AOPEP: variants seen among roughly 807,000 people sequenced by gnomAD.
The protein encoded by AOPEP is aminopeptidase O (putative).
AOPEP carries 77 observed loss-of-function variants against 98.1 expected under a neutral mutation model. The ratio of observed to expected loss-of-function variants is 0.78; its 90% CI spans 0.65 to 0.95. The LOEUF (loss-of-function observed/expected upper bound fraction) is 0.95. AOPEP is among the 40% of genes least tolerant of loss of function. AOPEP has a pLI of 0.00. For synonymous variants in AOPEP, 346 were observed against 365.3 expected (o/e 0.95, Z 0.60); for missense variants, 1,024 against 1,024.7 (o/e 1.00, Z 0.01).
At chr9:95,096,715 C>T in the AOPEP span, among the ~76,000 whole-genome samples, 5 of 152,344 alleles carry the variant, frequency 3.3e-5, no homozygotes, top group South Asian at 8.3e-4. Flanking sequence ...GAGCTGGCCG[C>T]TGGCTGCAGC....
chr9:94,738,738 T>G (rs1832367116), intron 1 of AOPEP, among the ~76,000 whole-genome samples: 1 of 151,992 alleles, frequency 6.6e-6, no homozygotes, highest in Admixed American at 6.6e-5. Context: ...CACGCTTGGC[T>G]AATTTTTTTG....
At chr9:94,917,937 T>G (rs968157716) in intron 5 of AOPEP, among the ~76,000 whole-genome samples, 1 of 152,216 alleles carries the variant, frequency 6.6e-6, no homozygotes, top group African/African-American at 2.4e-5. Flanking sequence ...CTTTCTCTGC[T>G]TCTTTCCTTG....
chr9:95,096,159 G>T, the AOPEP span, among the ~76,000 whole-genome samples: 1 of 152,142 alleles, frequency 6.6e-6, no homozygotes, highest in African/African-American at 2.4e-5. Context: ...AGCTTATTCT[G>T]TAACAGTTTT....
chr9:95,035,604 C>T (rs761386003), intron 13 of AOPEP, among the ~76,000 whole-genome samples: 35 of 149,276 alleles, frequency 2.3e-4, no homozygotes, highest in Non-Finnish European at 3.8e-4. Flanking sequence ...CCGCAACCTC[C>T]GGCTCCTGGG....
intron 11 of AOPEP, among the ~76,000 whole-genome samples, chr9:94,983,046 G>A (rs2060291436): frequency 6.6e-6 from 1 of 150,622 alleles, no homozygotes; most frequent in Admixed American, 6.6e-5. Context: ...TGTTTTTTTT[G>A]AGACAGAGTC....
chr9:95,033,991 C>A (rs1289339720), intron 13 of AOPEP, among the ~76,000 whole-genome samples: 2 of 152,084 alleles, frequency 1.3e-5, no homozygotes, highest in Non-Finnish European at 2.9e-5. Flanking sequence ...GTTTTCTCCC[C>A]TTGCTTTGCT....
the AOPEP span, among the ~76,000 whole-genome samples, chr9:95,092,394 C>T: frequency 0.017 from 2,513 of 152,206 alleles, 79 homozygotes; most frequent in African/African-American, 0.057. Context: ...GGGGGCGGGC[C>T]TGGGGCTGCT....
At chr9:94,850,212 T>TTTTTAGTTGG (rs2135150705) in intron 5 of AOPEP, among the ~76,000 whole-genome samples, 1 of 151,954 alleles carries the variant, frequency 6.6e-6, no homozygotes, top group Non-Finnish European at 1.5e-5. Flanking sequence ...AAAAAGTTAC[T>TTTTTAGTTGG]TTTTAGTTGG....
intron 5 of AOPEP, among the ~76,000 whole-genome samples, chr9:94,802,172 A>AG (rs952079870): frequency 1.0e-4 from 15 of 149,838 alleles, no homozygotes; most frequent in South Asian, 4.2e-4. Context: ...TTCTTAATGG[A>AG]GGGGGGGGCT....
chr9:95,058,587 G>A (rs985582630), intron 13 of AOPEP, among the ~76,000 whole-genome samples: 2 of 152,222 alleles, frequency 1.3e-5, no homozygotes, highest in Non-Finnish European at 2.9e-5. Context: ...CGGACTGTCT[G>A]TCTTGAGAAA....
chr9:94,792,445 T>C (rs752457074), intron 3 of AOPEP, among the ~76,000 whole-genome samples: 15 of 152,204 alleles, frequency 9.9e-5, no homozygotes, highest in Non-Finnish European at 1.5e-4. Context: ...AGACGTATTC[T>C]GTCTCTGTAG....
chr9:94,977,508 C>A (rs2059923619), intron 10 of AOPEP, among the ~76,000 whole-genome samples: 1 of 152,202 alleles, frequency 6.6e-6, no homozygotes, highest in Non-Finnish European at 1.5e-5. Flanking sequence ...CAGCCTCTCT[C>A]CCAGGTAAAT....
Position 95,082,671 on chromosome 9 carries a change from A to ATGGATAGGT in AOPEP, c.2417_2425dup (p.Arg808_Ser809insLeuAspArg), listed in dbSNP as rs1241120994. ...GTGCTTCGAGCGGACCAAGGAGCAG[A>ATGGATAGGT]TGGATAGGTCCTCAGCCCAGGTGGT... On this transcript the variant is annotated inframe_insertion, in exon 16 of 17. Transcript: ENST00000375315. The ATGGATAGGT allele has an allele frequency of 6.2e-7, 1 of 1,614,230 alleles. No individual in the cohort carries two copies. The highest frequency in any genetic ancestry group is 8.5e-7 in the Non-Finnish European group (1 of 1,180,040).
At chr9:95,126,175 T>A in the AOPEP span, among the ~76,000 whole-genome samples, 1 of 152,230 alleles carries the variant, frequency 6.6e-6, no homozygotes, top group African/African-American at 2.4e-5. Context: ...AAAATATTGG[T>A]CAGCCCTCAC....
chr9:94,760,778 T>C, intron 2 of AOPEP, 198 bp downstream of exon 2: 1 of 432,152 alleles, frequency 2.3e-6, no homozygotes, highest in East Asian at 3.4e-5. Context: ...TTAGCTCCCT[T>C]AAGTCAGGAT....
At chr9:94,923,800 A>G (rs932356569) in intron 5 of AOPEP, among the ~76,000 whole-genome samples, 186 bp from the exon 6 acceptor site, 2 of 152,138 alleles carry the variant, frequency 1.3e-5, no homozygotes, top group Non-Finnish European at 2.9e-5. Context: ...CACCTGAACT[A>G]CAGCCAGAAA....
chr9:94,783,466 G>T (rs887743766), intron 3 of AOPEP, among the ~76,000 whole-genome samples: 1 of 152,208 alleles, frequency 6.6e-6, no homozygotes, highest in Non-Finnish European at 1.5e-5. Context: ...GAGCAACTGC[G>T]GAGAAGAACT....
chr9:95,104,166 G>C, the AOPEP span, among the ~76,000 whole-genome samples: 3 of 152,222 alleles, frequency 2.0e-5, no homozygotes, highest in Non-Finnish European at 4.4e-5. Flanking sequence ...GGTGGTGGGA[G>C]GGATCCTTCC....
At chr9:94,995,243 T>TA (rs1198318073) in intron 11 of AOPEP, among the ~76,000 whole-genome samples, 1 of 152,222 alleles carries the variant, frequency 6.6e-6, no homozygotes, top group Admixed American at 6.5e-5. Flanking sequence ...GTTATTTTGA[T>TA]ACCTTTGAAA....
Sources: allele counts gnomAD v4.1 joint callset (sites outside exome capture counted in the v4.1 genomes callset), GRCh38; gene constraint gnomAD v4.1.1; transcripts MANE v1.5; gene names NCBI Gene and HGNC (gene_info 2026-07-23, HGNC 2026-07-21).